PHACTR2: variants seen among roughly 807,000 people sequenced by gnomAD.
The protein encoded by PHACTR2 is chromosome 6 open reading frame 56.
A neutral mutation model predicts 76.0 loss-of-function variants in PHACTR2; 30 were observed. That is an observed-to-expected ratio of 0.39 (90% confidence interval 0.30 to 0.54). PHACTR2 has a LOEUF of 0.54. PHACTR2 is among the 20% of genes least tolerant of loss of function. PHACTR2 has a pLI of 0.61. For synonymous variants in PHACTR2, 292 were observed against 292.5 expected, an observed-to-expected ratio of 1.00 and a Z score of 0.02; for missense variants, 696 against 781.1, an observed-to-expected ratio of 0.89 and a Z score of 1.30.
At chr6:143,686,575 C>T (rs781326649) in intron 1 of PHACTR2, among the ~76,000 whole-genome samples, 12 of 149,526 alleles carry the variant, frequency 8.0e-5, no homozygotes, top group Non-Finnish European at 1.5e-4. Context: ...GCAACCTCCA[C>T]CTTCTGGTTT....
At position 143,537,694 on chromosome 6, in the gene PHACTR2, G is replaced by C. The variant is rs911024537; in HGVS notation, c.217+487G>C. 6.6e-6 allele frequency among the ~76,000 whole-genome samples: 1 copy of C among 152,200 alleles called. No individual in the cohort carries two copies. The highest frequency in any genetic ancestry group is 1.5e-5 in the Non-Finnish European group (1 of 68,040). ...GAAATAAAGACGCCTTTTGCGGGTT[G>C]CTGGTAAGAGGACCCGGGATATGAG... On this transcript the variant is annotated intron_variant, in intron 1 of 11. Transcript: ENST00000367584. This position sits in a 1 kb window ranked among gnomAD's most constrained non-coding sequence, Gnocchi z 4.4.
chr6:143,665,906 A>T (rs1168820979), intron 1 of PHACTR2, among the ~76,000 whole-genome samples: 1 of 152,146 alleles, frequency 6.6e-6, no homozygotes, highest in Non-Finnish European at 1.5e-5. Context: ...AAGTTCTGGG[A>T]TACATGTGCA....
chr6:143,687,071 G>C (rs1777542711), intron 1 of PHACTR2, among the ~76,000 whole-genome samples: 1 of 151,996 alleles, frequency 6.6e-6, no homozygotes, highest in Non-Finnish European at 1.5e-5. Context: ...TTTTTAGTCT[G>C]TTCGATAATA....
In PHACTR2 at chr6:143,678,118, C is replaced by G. The variant is rs1319628666; in HGVS notation, c.-46C>G. 1.0e-5 allele frequency: 16 copies of G among 1,545,878 alleles called. No homozygotes were observed. In the East Asian group the frequency reaches 3.5e-4, roughly 33 times the overall value. On this transcript the variant is annotated 5_prime_UTR_variant, in exon 1 of 13. Transcript: ENST00000440869. This position sits in a 1 kb window ranked among gnomAD's most constrained non-coding sequence, Gnocchi z 6.2. ...TGGGAGCGGACCCATGATCGAAGGACCAAAGGAGCCGCTTGATCGCTGGAC... is the reference window on the plus strand; with the variant it reads ...TGGGAGCGGACCCATGATCGAAGGAGCAAAGGAGCCGCTTGATCGCTGGAC...
intron 2 of PHACTR2, among the ~76,000 whole-genome samples, chr6:143,714,273 C>T (rs1433021832): frequency 1.3e-5 from 2 of 152,142 alleles, no homozygotes; most frequent in South Asian, 2.1e-4. Flanking sequence ...AACTCTTCTA[C>T]GTTTGTCCTT....
upstream of PHACTR2, among the ~76,000 whole-genome samples, chr6:143,676,884 T>C (rs545106087): frequency 7.2e-5 from 11 of 152,168 alleles, no homozygotes; most frequent in African/African-American, 2.6e-4. This position sits in a 1 kb window ranked among gnomAD's most constrained non-coding sequence, Gnocchi z 4.8. Context: ...GCAACTTAAT[T>C]AACCATGACA....
rs562018395 is a variant in PHACTR2 at position 143,613,489 on chromosome 6, C to A, written c.13+5167C>A. 2.6e-5 allele frequency among the ~76,000 whole-genome samples: 4 copies of A among 152,266 alleles called. No homozygotes were observed. In the East Asian group the frequency reaches 7.7e-4, roughly 29 times the overall value. On this transcript the variant is annotated intron_variant, in intron 1 of 11. Transcript: ENST00000305766. ...ACTCTAATAGTGTAGTGACTGTGAC[C>A]TCCTGCGAGTAAACTGACAGTCATG... is the stretch of plus-strand genomic sequence containing the variant.
rs985553391 is a variant in PHACTR2 at position 143,695,558 on chromosome 6, G to T, written c.47-16458G>T. On this transcript the variant is annotated intron_variant, in intron 1 of 12. Transcript: ENST00000440869. The surrounding 1 kb of genome is among the most constrained non-coding windows in gnomAD (Gnocchi z 4.4). ...CCAGTCCAGGTTTATTTTCATTGCTGGGCACTGCAGTCCTAGAGGCAAAGG... is the reference window on the plus strand; with the variant it reads ...CCAGTCCAGGTTTATTTTCATTGCTTGGCACTGCAGTCCTAGAGGCAAAGG... 2.0e-5 allele frequency among the ~76,000 whole-genome samples: 3 copies of T among 152,154 alleles called. No homozygotes were observed. The highest frequency in any genetic ancestry group is 7.2e-5 in the African/African-American group (3 of 41,420).
intron 1 of PHACTR2, among the ~76,000 whole-genome samples, chr6:143,630,945 G>A (rs2128441940): frequency 6.6e-6 from 1 of 152,208 alleles, no homozygotes; most frequent in Admixed American, 6.5e-5. Context: ...TGTATTTAAT[G>A]GCTGCTCGAA....
Position 143,624,009 on chromosome 6 carries a change from C to T in PHACTR2, c.13+15687C>T. Among the ~76,000 whole-genome samples the T allele has an allele frequency of 6.6e-6, 1 of 151,988 alleles. No individual in the cohort carries two copies. ...TGATATGAAGACCCTGCCTCCCCAC[C>T]CACTCCCCACCCTGCCCCAGTGTAA... On this transcript the variant is annotated intron_variant, in intron 1 of 11. Transcript: ENST00000305766. This position sits in a 1 kb window ranked among gnomAD's most constrained non-coding sequence, Gnocchi z 4.6.
chr6:143,650,917 G>A (rs986893071), intron 1 of PHACTR2, among the ~76,000 whole-genome samples: 1 of 151,860 alleles, frequency 6.6e-6, no homozygotes, highest in African/African-American at 2.4e-5. Flanking sequence ...GGGAGAAAAT[G>A]TTTGCAATCT....
rs1425888346 is a variant in PHACTR2 at position 143,599,365 on chromosome 6, A to C, written c.217+62158A>C. ...AGTAACATGCTTTTTAGGCATTTTTAGGAATTTTGGCCCTGCCTGGACCAC... is the reference window on the plus strand; with the variant it reads ...AGTAACATGCTTTTTAGGCATTTTTCGGAATTTTGGCCCTGCCTGGACCAC... On this transcript the variant is annotated intron_variant, in intron 1 of 11. Coordinates refer to the PHACTR2 transcript ENST00000367584. The surrounding 1 kb of genome is among the most constrained non-coding windows in gnomAD (Gnocchi z 4.6). Among the ~76,000 whole-genome samples the C allele has an allele frequency of 6.6e-6, 1 of 152,178 alleles. No individual in the cohort carries two copies. Among genetic ancestry groups the C allele is most frequent in the Non-Finnish European group, 1.5e-5 (1 of 68,026 alleles).
chr6:143,808,031 T>C (rs1776100660), intron 12 of PHACTR2, among the ~76,000 whole-genome samples: 1 of 152,210 alleles, frequency 6.6e-6, no homozygotes, highest in East Asian at 1.9e-4. Context: ...CTTACTGTCT[T>C]GTGTGCCAGA....
intron 6 of PHACTR2, among the ~76,000 whole-genome samples, chr6:143,770,818 G>A (rs1160843486): frequency 6.6e-6 from 1 of 151,320 alleles, no homozygotes; most frequent in Non-Finnish European, 1.5e-5. Context: ...TTGAAAATTG[G>A]CAATCTTTGT....
At chr6:143,587,291 G>A (rs1342027532) in intron 1 of PHACTR2, among the ~76,000 whole-genome samples, 2 of 152,186 alleles carry the variant, frequency 1.3e-5, no homozygotes, top group Non-Finnish European at 2.9e-5. Flanking sequence ...GTTCAAGAAC[G>A]ATGTTAACAT....
chr6:143,608,798 C>T lies in PHACTR2; in HGVS notation c.13+476C>T, dbSNP rs9484783. Among the ~76,000 whole-genome samples, 1,368 of 152,148 alleles carry T rather than the reference C, an allele frequency of 9.0e-3. 20 individuals carry two copies. Among genetic ancestry groups the T allele is most frequent in the African/African-American group, 0.029 (1,194 of 41,508 alleles). Reference sequence around the variant, plus strand: ...TTAGGATGCAATGTCGAAAATGTTTCGATAGCCTCTGATATTTTAATTTCA... The same window carrying T: ...TTAGGATGCAATGTCGAAAATGTTTTGATAGCCTCTGATATTTTAATTTCA... On this transcript the variant is annotated intron_variant, in intron 1 of 11. Transcript: ENST00000305766. The surrounding 1 kb of genome is among the most constrained non-coding windows in gnomAD (Gnocchi z 4.6).
In PHACTR2 at chr6:143,800,497, G is replaced by A. The variant is rs770117798; in HGVS notation, c.1846-6560G>A. ...AGGATGGTCTCGATCTCCTGACTTC[G>A]TGATCTGCCTGCATCGGCCTCCCAA... On this transcript the variant is annotated intron_variant, in intron 11 of 12. Transcript: ENST00000440869. This position sits in a 1 kb window ranked among gnomAD's most constrained non-coding sequence, Gnocchi z 4.8. 6.6e-6 allele frequency among the ~76,000 whole-genome samples: 1 copy of A among 152,050 alleles called. No individual in the cohort carries two copies. Among genetic ancestry groups the A allele is most frequent in the Non-Finnish European group, 1.5e-5 (1 of 68,020 alleles).
At position 143,760,702 on chromosome 6, in the gene PHACTR2, T is replaced by A; in HGVS notation, c.694+62T>A. The A allele has an allele frequency of 6.4e-7, 1 of 1,565,466 alleles. No homozygotes were observed. Among genetic ancestry groups the A allele is most frequent in the Non-Finnish European group, 8.7e-7 (1 of 1,154,468 alleles). On this transcript the variant is annotated intron_variant, in intron 5 of 12. Transcript: ENST00000440869. The surrounding 1 kb of genome is among the most constrained non-coding windows in gnomAD (Gnocchi z 6.4). ...AGGGTGCTTGGCTCTGGGATGGGGC[T>A]AATTGTTTCTTCTAGGTGTGATGGG...
In PHACTR2 at chr6:143,611,447, G is replaced by A. The variant is rs147284379; in HGVS notation, c.13+3125G>A. ...AGGAAGGGTTTGGAGTGGAGTAGTC[G>A]AGAGCATCAGATAATTTTAGCTGAA... is the stretch of plus-strand genomic sequence containing the variant. On this transcript the variant is annotated intron_variant, in intron 1 of 11. Coordinates refer to the PHACTR2 transcript ENST00000305766. The surrounding 1 kb of genome is among the most constrained non-coding windows in gnomAD (Gnocchi z 4.4). 3.9e-3 allele frequency among the ~76,000 whole-genome samples: 590 copies of A among 152,288 alleles called. 7 individuals are homozygous for A. The highest frequency in any genetic ancestry group is 0.014 in the African/African-American group (571 of 41,542).
Sources: allele counts gnomAD v4.1 joint callset (sites outside exome capture counted in the v4.1 genomes callset), GRCh38; gene constraint gnomAD v4.1.1; non-coding constraint Gnocchi (gnomAD v3.1); transcripts MANE v1.5; gene names NCBI Gene and HGNC (gene_info 2026-07-23, HGNC 2026-07-21).